Variants in SLC44A5 observed in about 807,000 individuals in gnomAD.
SLC44A5 encodes choline transporter-like protein 5.
SLC44A5 carries 57 observed loss-of-function variants against 101.8 expected under a neutral mutation model. That is an observed-to-expected ratio of 0.56 (90% CI 0.45 to 0.70). The LOEUF (loss-of-function observed/expected upper bound fraction) is 0.70, where lower values mean the gene tolerates loss of function less well. Ranked by LOEUF, SLC44A5 falls within the 30% of genes least tolerant of loss-of-function variation. The pLI is 0.00. For missense variants in SLC44A5, 737 were observed against 853.1 expected, an observed-to-expected ratio of 0.86 and a Z score of 1.70; for synonymous variants, 281 against 290.9, an observed-to-expected ratio of 0.97 and a Z score of 0.35.
intron 7 of SLC44A5, among the ~76,000 whole-genome samples, chr1:75,250,418 T>G (rs771642940): frequency 2.0e-5 from 3 of 152,234 alleles, no homozygotes; most frequent in Non-Finnish European, 4.4e-5. Flanking sequence ...GGCATTTAGA[T>G]TGATTCCATA....
At chr1:75,408,423 T>C (rs190027267) in intron 2 of SLC44A5, among the ~76,000 whole-genome samples, 11 of 152,294 alleles carry the variant, frequency 7.2e-5, no homozygotes, top group African/African-American at 2.6e-4. Flanking sequence ...CATATGTTTA[T>C]TGCAGCACTA....
At chr1:75,297,130 G>C (rs1365873559) in intron 5 of SLC44A5, among the ~76,000 whole-genome samples, 2 of 151,934 alleles carry the variant, frequency 1.3e-5, no homozygotes, top group African/African-American at 4.8e-5. Context: ...TACTTTCTCA[G>C]CTACTAGAGA....
At chr1:75,384,345 TA>T (rs1486222137) in intron 3 of SLC44A5, among the ~76,000 whole-genome samples, 1 of 145,278 alleles carries the variant, frequency 6.9e-6, no homozygotes, top group African/African-American at 2.6e-5. Context: ...AGGCTCAAAA[TA>T]AAAGGATGGA....
chr1:75,245,986 T>C (rs936234212), intron 7 of SLC44A5, among the ~76,000 whole-genome samples: 2 of 152,124 alleles, frequency 1.3e-5, no homozygotes, highest in African/African-American at 2.4e-5. Context: ...ACATCGTGCA[T>C]AGAAATATGG....
At position 75,510,742 on chromosome 1, in the gene SLC44A5, T is replaced by C. The variant is rs566377740; in HGVS notation, c.13+30693A>G. Among the ~76,000 whole-genome samples the C allele has an allele frequency of 3.3e-5, 5 of 152,336 alleles. No homozygotes were observed. The South Asian group carries it at 1.0e-3, about 32-fold the overall frequency. On this transcript the variant is annotated intron_variant, in intron 2 of 23. Coordinates refer to ENST00000370859, the MANE Select transcript of SLC44A5 (RefSeq NM_001130058.2). ...TAAATTCAGTGCATCTCATAAATTC[T>C]TAATGTGCCTTGATAAAAGTCCCTG...
intron 4 of SLC44A5, among the ~76,000 whole-genome samples, chr1:75,313,835 GA>G (rs1266970938): frequency 1.3e-5 from 2 of 152,088 alleles, no homozygotes; most frequent in Non-Finnish European, 2.9e-5. Flanking sequence ...AAAGGCAAAA[GA>G]GAATAAATCA....
chr1:75,447,627 A>G (rs963875433), intron 2 of SLC44A5, among the ~76,000 whole-genome samples: 7 of 152,092 alleles, frequency 4.6e-5, no homozygotes, highest in African/African-American at 1.7e-4. Flanking sequence ...GAGCATGTAA[A>G]CCCTTCTTAA....
intron 4 of SLC44A5, among the ~76,000 whole-genome samples, chr1:75,330,124 C>G (rs1342375367): frequency 6.8e-6 from 1 of 146,276 alleles, no homozygotes; most frequent in Non-Finnish European, 1.5e-5. Flanking sequence ...CACACACACA[C>G]ACACACACAC....
At chr1:75,317,938 G>T (rs1433343130) in intron 4 of SLC44A5, among the ~76,000 whole-genome samples, 4 of 152,070 alleles carry the variant, frequency 2.6e-5, no homozygotes, top group Non-Finnish European at 5.9e-5. Flanking sequence ...AATTCTGGGG[G>T]ACACAAACCT....
At chr1:75,433,237 C>T (rs530823925) in intron 2 of SLC44A5, among the ~76,000 whole-genome samples, 4 of 152,122 alleles carry the variant, frequency 2.6e-5, no homozygotes, top group Non-Finnish European at 1.5e-5. Flanking sequence ...TTCCCTATTG[C>T]TTCATCTCAC....
intron 1 of SLC44A5, among the ~76,000 whole-genome samples, chr1:75,602,137 C>T (rs1488411110): frequency 1.3e-5 from 2 of 152,066 alleles, no homozygotes; most frequent in African/African-American, 2.4e-5. Context: ...GGGTTGTTTT[C>T]CCAAATAGGT....
At chr1:75,432,568 C>G (rs1313221380) in intron 2 of SLC44A5, among the ~76,000 whole-genome samples, 1 of 152,090 alleles carries the variant, frequency 6.6e-6, no homozygotes, top group Non-Finnish European at 1.5e-5. Flanking sequence ...GAATCATTTC[C>G]AGAGACTGGT....
At chr1:75,569,711 T>A (rs1490114301) in intron 1 of SLC44A5, among the ~76,000 whole-genome samples, 1 of 152,176 alleles carries the variant, frequency 6.6e-6, no homozygotes, top group Non-Finnish European at 1.5e-5. Context: ...AGGATTCAGA[T>A]TCAATATAAT....
intron 1 of SLC44A5, among the ~76,000 whole-genome samples, chr1:75,553,150 C>A (rs765687722): frequency 6.6e-6 from 1 of 152,106 alleles, no homozygotes; most frequent in Non-Finnish European, 1.5e-5. Flanking sequence ...ACCATGACTA[C>A]GGCATGAATA....
At chr1:75,291,587 G>A (rs1163564334) in intron 5 of SLC44A5, among the ~76,000 whole-genome samples, 1 of 152,158 alleles carries the variant, frequency 6.6e-6, no homozygotes, top group African/African-American at 2.4e-5. Flanking sequence ...TGATTCAGGA[G>A]CTGAGACCTC....
rs1045513388 is a variant in SLC44A5 at position 75,202,888 on chromosome 1, T to C, written c.*839A>G. The stretch of plus-strand genomic sequence containing the variant: ...AAAAAAAACAAAGAAATCCAACAAG[T>C]GTTCTTTCGGGGTTTGTTTCTTCTT... On this transcript the variant is annotated 3_prime_UTR_variant, in exon 24 of 24. Transcript: ENST00000370859. 1.3e-5 allele frequency: 2 copies of C among 151,432 alleles called. No homozygotes were observed. The highest frequency in any genetic ancestry group is 2.9e-5 in the Non-Finnish European group (2 of 67,886). The allele number at this position is 151,432 out of a possible 1,614,324, so 9.4% of individuals were successfully genotyped here.
At chr1:75,304,448 T>C (rs560037108) in intron 4 of SLC44A5, among the ~76,000 whole-genome samples, 1 of 152,284 alleles carries the variant, frequency 6.6e-6, no homozygotes, top group African/African-American at 2.4e-5. Context: ...GAAAATTGAA[T>C]GTGAACAAAT....
rs142134482 is a variant in SLC44A5, at chr1:75,573,481, G to A, written c.-69-31965C>T. On this transcript the variant is annotated intron_variant, in intron 1 of 23. Transcript: ENST00000370859. Reference sequence around the variant, plus strand: ...TATTCTAAATTCTTCTGTATTGTTTGATATTTTTAACCACATAAATTTGTT... The same window carrying A: ...TATTCTAAATTCTTCTGTATTGTTTAATATTTTTAACCACATAAATTTGTT... Among the ~76,000 whole-genome samples the A allele has an allele frequency of 7.2e-4, 110 of 152,246 alleles. 1 individual carries two copies. The highest frequency in any genetic ancestry group is 3.4e-3 in the Middle Eastern group (1 of 294).
intron 6 of SLC44A5, among the ~76,000 whole-genome samples, chr1:75,263,342 G>A (rs1042485020): frequency 5.9e-5 from 9 of 152,058 alleles, no homozygotes; most frequent in Non-Finnish European, 1.3e-4. Flanking sequence ...ACACTTCTTA[G>A]AAGAAGACAT....
Sources: gnomAD v4.1 joint callset for allele counts (sites outside exome capture counted in the v4.1 genomes callset) on GRCh38, gnomAD v4.1.1 for gene constraint, MANE v1.5 for transcripts, NCBI Gene and HGNC (gene_info 2026-07-23, HGNC 2026-07-21) for gene names.